Variants in FNTA observed in about 807,000 individuals in gnomAD.
The protein encoded by FNTA is protein farnesyltransferase/geranylgeranyltransferase type-1 subunit alpha.
In FNTA, 27 loss-of-function variants were observed where a neutral mutation model predicts 55.2. The ratio of observed to expected loss-of-function variants is 0.49; its 90% confidence interval spans 0.36 to 0.67. The LOEUF (loss-of-function observed/expected upper bound fraction) is 0.67, where lower values mean the gene tolerates loss of function less well. Among genes scored for constraint, FNTA ranks in the 30% least tolerant of loss-of-function variants. The pLI, the probability that FNTA is intolerant of heterozygous loss-of-function variation, is 0.00. For synonymous variants in FNTA, 176 were observed against 170.7 expected (o/e 1.03, Z -0.24); for missense variants, 422 against 464.7 (o/e 0.91, Z 0.85).
chr8:43,060,101 T>C (rs2130540937), intron 2 of FNTA, among the ~76,000 whole-genome samples: 1 of 152,314 alleles, frequency 6.6e-6, no homozygotes, highest in East Asian at 1.9e-4. Flanking sequence ...ATGGAGAACG[T>C]ATTAGGCAAG....
chr8:43,083,690 C>T (rs530031499), intron 7 of FNTA, among the ~76,000 whole-genome samples: 2 of 152,302 alleles, frequency 1.3e-5, no homozygotes, highest in East Asian at 3.9e-4. Flanking sequence ...GCTCAAAGAG[C>T]ACAAAGTATG....
chr8:43,084,620 G>C (rs147549198), intron 7 of FNTA, 90 bp from the exon 8 acceptor site: 3 of 954,750 alleles, frequency 3.1e-6, no homozygotes, highest in African/African-American at 3.3e-5. Context: ...TTTCTTGTTT[G>C]TGTTTCAGGG....
intron 5 of FNTA, among the ~76,000 whole-genome samples, chr8:43,076,196 A>G (rs1810909180): frequency 6.6e-6 from 1 of 152,154 alleles, no homozygotes; most frequent in East Asian, 1.9e-4. Flanking sequence ...GGCGCCTGTC[A>G]TCACACCCGG....
At position 43,072,322 on chromosome 8, in the gene FNTA, G is replaced by A. The variant is rs371054411; in HGVS notation, c.633+15G>A. 3 of 1,521,592 alleles carry A rather than the reference G, an allele frequency of 2.0e-6. No homozygotes were observed. The highest frequency in any genetic ancestry group is 2.4e-5 in the East Asian group (1 of 41,668). 94.3% of individuals were successfully genotyped at this position (1,521,592 alleles called of 1,614,324 possible). A position where few individuals can be genotyped will look rare whatever the true frequency, so the allele number is the denominator to read the frequency against. ...GGGTTATTCAGGTATTGCCTTTCTT[G>A]TACAGTGTTTTTCAGATTTTTTTTT... On this transcript the variant is annotated intron_variant, in intron 5 of 8. Transcript: ENST00000302279.
rs1220349704 is a variant in FNTA at position 43,059,139 on chromosome 8, G to A, written c.248G>A (p.Gly83Asp). 6.2e-7 allele frequency: 1 copy of A among 1,613,488 alleles called. No individual in the cohort carries two copies. The highest frequency in any genetic ancestry group is 1.3e-5 in the African/African-American group (1 of 74,888). The change falls in exon 2 of 9, where the codon GGC becomes GAC. Residue 83 changes from glycine to aspartate, a missense_variant. Around this residue, in one of 2 missense-constraint regions of FNTA, gnomAD observed 160 missense variants for 121.6 expected, o/e 1.32. Coordinates refer to ENST00000302279, the MANE Select transcript of FNTA (RefSeq NM_002027.3). Reference protein sequence around the residue: ...ADIDPVPQNDGPNPVVQIIYS... With the variant: ...ADIDPVPQNDDPNPVVQIIYS... The stretch of plus-strand genomic sequence containing the variant: ...ATAGATCCGGTGCCGCAGAATGATG[G>A]CCCCAATCCCGTGGTCCAGATCATT...
Position 43,067,967 on chromosome 8 carries a change from A to G in FNTA, c.402-1588A>G, listed in dbSNP as rs576790136. ...CAGGCTGGAGTGCAGTGGCACAATCATGGCTCATTACAACTTCCGACTCCC... is the reference window on the plus strand; with the variant it reads ...CAGGCTGGAGTGCAGTGGCACAATCGTGGCTCATTACAACTTCCGACTCCC... On this transcript the variant is annotated intron_variant, in intron 3 of 8. Transcript: ENST00000302279. Among the ~76,000 whole-genome samples the G allele has an allele frequency of 2.2e-4, 34 of 152,126 alleles. No individual in the cohort carries two copies. The East Asian group carries it at 5.8e-3, about 26-fold the overall frequency.
intron 5 of FNTA, among the ~76,000 whole-genome samples, chr8:43,076,078 C>CT (rs1436253908): frequency 2.0e-5 from 3 of 151,848 alleles, no homozygotes; most frequent in African/African-American, 7.3e-5. Context: ...GAGCCTTGCT[C>CT]TGTCCCCCAG....
rs1175322274 is a variant in FNTA, at chr8:43,069,936, G to A, written c.506+277G>A. On this transcript the variant is annotated intron_variant, in intron 4 of 8. Coordinates refer to ENST00000302279, the MANE Select transcript of FNTA (RefSeq NM_002027.3). ...AGGGATTACAGGTATGAGCCATTGCGCCTGGCCTAGAATTTTATTTAAAAA... is the reference window on the plus strand; with the variant it reads ...AGGGATTACAGGTATGAGCCATTGCACCTGGCCTAGAATTTTATTTAAAAA... Among the ~76,000 whole-genome samples, 5 of 151,924 alleles carry A rather than the reference G, an allele frequency of 3.3e-5. No homozygotes were observed. The East Asian group carries it at 7.8e-4, about 24-fold the overall frequency.
At chr8:43,069,459 G>C (rs1810736001) in intron 3 of FNTA, 96 bp from the exon 4 acceptor site, 1 of 763,204 alleles carries the variant, frequency 1.3e-6, no homozygotes, top group South Asian at 1.6e-5. Flanking sequence ...CCAAAAATTT[G>C]TCTAACTGTA....
chr8:43,083,010 C>T (rs1331239446), intron 6 of FNTA, 108 bp from the exon 7 acceptor site: 3 of 598,092 alleles, frequency 5.0e-6, no homozygotes. Context: ...TGTGCCACTG[C>T]ACTCCAGCCT....
chr8:43,076,477 A>G (rs1466646461), intron 5 of FNTA, among the ~76,000 whole-genome samples: 1 of 152,212 alleles, frequency 6.6e-6, no homozygotes, highest in Non-Finnish European at 1.5e-5. Flanking sequence ...ACTATTGACC[A>G]TGTATGCTTC....
At position 43,056,494 on chromosome 8, in the gene FNTA, C is replaced by G. The variant is rs1340138542; in HGVS notation, c.148C>G (p.Pro50Ala). Residue 50 changes from proline to alanine, a missense_variant, in exon 1 of 9, where the codon CCC becomes GCC. Physicochemically the swap from Pro to Ala is conservative, Grantham distance 27 (BLOSUM62 -1). This residue lies in a region of FNTA where 160 missense variants were observed against 121.6 expected (regional missense o/e 1.32). Transcript: ENST00000302279. Reference sequence around the variant, plus strand: ...CGAGGCTGGGGAAGCCGTGGCGTCCCCCATGGACGACGGGTTTGTGAGCCT... The same window carrying G: ...CGAGGCTGGGGAAGCCGTGGCGTCCGCCATGGACGACGGGTTTGTGAGCCT... ...AAEAGEAVAS[P>A]MDDGFVSLDS... 1 of 1,572,776 alleles carries G rather than the reference C, an allele frequency of 6.4e-7. No homozygotes were observed. Among genetic ancestry groups the G allele is most frequent in the Admixed American group, 1.8e-5 (1 of 55,262 alleles).
chr8:43,083,067 CTCA>C, intron 6 of FNTA, 48 bp from the exon 7 acceptor site: 3 of 1,087,552 alleles, frequency 2.8e-6, no homozygotes, highest in East Asian at 5.1e-5. Flanking sequence ...AAAACTGTGT[CTCA>C]TCATTGCACT....
chr8:43,056,625 G>A, intron 1 of FNTA, 79 bp downstream of exon 1: 1 of 982,782 alleles, frequency 1.0e-6, no homozygotes, highest in Non-Finnish European at 1.3e-6. Context: ...GCGCGCTTCC[G>A]GCCCCGGCGC....
intron 4 of FNTA, among the ~76,000 whole-genome samples, chr8:43,070,745 G>A (rs1377378625): frequency 1.3e-5 from 2 of 152,180 alleles, no homozygotes; most frequent in East Asian, 1.9e-4. Flanking sequence ...TAGTACAGGC[G>A]ATGCAAATTC....
chr8:43,068,745 T>C (rs1224303407), intron 3 of FNTA, among the ~76,000 whole-genome samples: 1 of 152,214 alleles, frequency 6.6e-6, no homozygotes, highest in Non-Finnish European at 1.5e-5. Flanking sequence ...AGAGTTTTGC[T>C]CTTGTTGCCC....
intron 5 of FNTA, among the ~76,000 whole-genome samples, chr8:43,076,232 T>A (rs1563329532): frequency 1.3e-5 from 2 of 151,942 alleles, no homozygotes. Context: ...TTAGTAGAGA[T>A]GGGGTTTAGC....
At chr8:43,070,896 C>G (rs902603743) in intron 4 of FNTA, among the ~76,000 whole-genome samples, 1 of 152,184 alleles carries the variant, frequency 6.6e-6, no homozygotes, top group Non-Finnish European at 1.5e-5. Flanking sequence ...GGATCTGATT[C>G]TTAGCTTTTC....
intron 1 of FNTA, among the ~76,000 whole-genome samples, chr8:43,057,847 A>G (rs1414952446): frequency 6.6e-6 from 1 of 151,476 alleles, no homozygotes; most frequent in Non-Finnish European, 1.5e-5. Context: ...AATTCCAGCT[A>G]CTCGGGAGGC....
Sources: gnomAD v4.1 joint callset for allele counts (sites outside exome capture counted in the v4.1 genomes callset) on GRCh38, gnomAD v4.1.1 for gene constraint, gnomAD v4.1.1 regional missense constraint, MANE v1.5 for transcripts, NCBI Gene and HGNC (gene_info 2026-07-23, HGNC 2026-07-21) for gene names.